The following ALCAM variants were observed in gnomAD, a reference collection of about 807,000 sequenced individuals.
The protein encoded by ALCAM is CD166 antigen.
In ALCAM, 30 loss-of-function variants were observed where a neutral mutation model predicts 70.9. That is an observed-to-expected ratio of 0.42 (90% CI 0.32 to 0.57). The LOEUF (loss-of-function observed/expected upper bound fraction) is 0.57, where lower values mean the gene tolerates loss of function less well. Among genes scored for constraint, ALCAM ranks in the 20% least tolerant of loss-of-function variants. The pLI, the probability that ALCAM is intolerant of heterozygous loss-of-function variation, is 0.11. For missense variants in ALCAM, 591 were observed against 695.1 expected, an observed-to-expected ratio of 0.85 and a Z score of 1.68; for synonymous variants, 249 against 242.5, an observed-to-expected ratio of 1.03 and a Z score of -0.25.
At chr3:105,375,855 A>G (rs1935362292) in intron 1 of ALCAM, among the ~76,000 whole-genome samples, 1 of 152,212 alleles carries the variant, frequency 6.6e-6, no homozygotes, top group Non-Finnish European at 1.5e-5. Context: ...GTGGCCACCA[A>G]CAGTATGGCT....
At chr3:105,408,944 A>G (rs1576143331) in intron 1 of ALCAM, among the ~76,000 whole-genome samples, 1 of 152,184 alleles carries the variant, frequency 6.6e-6, no homozygotes, top group South Asian at 2.1e-4. Context: ...AGCATAAGGA[A>G]AAAAGCTCAA....
At chr3:105,536,107 T>C (rs1457906475) in intron 6 of ALCAM, among the ~76,000 whole-genome samples, 1 of 150,924 alleles carries the variant, frequency 6.6e-6, no homozygotes, top group Non-Finnish European at 1.5e-5. Flanking sequence ...TTTTTTTTTT[T>C]GTGTGAGACA....
intron 14 of ALCAM, among the ~76,000 whole-genome samples, chr3:105,556,631 T>A (rs1940523671): frequency 6.6e-6 from 1 of 151,964 alleles, no homozygotes; most frequent in Non-Finnish European, 1.5e-5. Context: ...ATAAACAATG[T>A]TATGTTAACA....
chr3:105,564,861 C>T (rs948780874), intron 14 of ALCAM, among the ~76,000 whole-genome samples: 7 of 152,246 alleles, frequency 4.6e-5, no homozygotes, highest in African/African-American at 1.2e-4. Context: ...GCCTGGCCAA[C>T]GTGGCAAAAC....
intron 1 of ALCAM, among the ~76,000 whole-genome samples, chr3:105,421,702 G>C (rs1247555427): frequency 2.0e-5 from 3 of 151,422 alleles, no homozygotes; most frequent in Non-Finnish European, 4.4e-5. Context: ...CTGTAGTTAA[G>C]AAAATTTCTA....
chr3:105,445,504 A>G (rs188175184), intron 1 of ALCAM, among the ~76,000 whole-genome samples: 1 of 152,288 alleles, frequency 6.6e-6, no homozygotes, highest in East Asian at 1.9e-4. Flanking sequence ...TGGAACCACA[A>G]AACACCCCAA....
At position 105,574,711 on chromosome 3, in the gene ALCAM, T is replaced by C. The variant is rs1940924496; in HGVS notation, c.*260T>C. ...ATGTTGTGTTTGGTTCAATTTTTTT[T>C]CCGTAAATGTCTGCACTGAGGATTT... is the stretch of plus-strand genomic sequence containing the variant. On this transcript the variant is annotated 3_prime_UTR_variant, in exon 16 of 16. Coordinates refer to ENST00000306107, the MANE Select transcript of ALCAM (RefSeq NM_001627.4). 6.6e-6 allele frequency: 1 copy of C among 152,648 alleles called. No homozygotes were observed. Among genetic ancestry groups the C allele is most frequent in the Admixed American group, 6.5e-5 (1 of 15,272 alleles). 9.5% of individuals were successfully genotyped at this position (152,648 alleles called of 1,614,324 possible).
At chr3:105,511,206 T>G (rs540391464) in intron 1 of ALCAM, among the ~76,000 whole-genome samples, 1 of 152,060 alleles carries the variant, frequency 6.6e-6, no homozygotes, top group South Asian at 2.1e-4. Context: ...GTTACCCCAC[T>G]GGGCTACCAT....
At chr3:105,546,713 A>G (rs952262833) in intron 9 of ALCAM, among the ~76,000 whole-genome samples, 1 of 151,498 alleles carries the variant, frequency 6.6e-6, no homozygotes, top group Admixed American at 6.6e-5. Flanking sequence ...GATGATCAGT[A>G]TTCCCTGATT....
At chr3:105,496,562 T>G (rs1374081642) in intron 1 of ALCAM, among the ~76,000 whole-genome samples, 2 of 152,146 alleles carry the variant, frequency 1.3e-5, no homozygotes, top group Non-Finnish European at 2.9e-5. Context: ...TCTCCCTCAT[T>G]GTCTTCGCTT....
chr3:105,436,816 A>T (rs1053134758), intron 1 of ALCAM, among the ~76,000 whole-genome samples: 1 of 152,192 alleles, frequency 6.6e-6, no homozygotes, highest in Non-Finnish European at 1.5e-5. Flanking sequence ...CCTGAACTGC[A>T]TAAACTGAGT....
chr3:105,435,195 T>G (rs1407730505), intron 1 of ALCAM, among the ~76,000 whole-genome samples: 1 of 152,242 alleles, frequency 6.6e-6, no homozygotes, highest in African/African-American at 2.4e-5. Flanking sequence ...ACCATGCTTA[T>G]GGTTGTTTAC....
At chr3:105,564,237 CA>C (rs896318978) in intron 14 of ALCAM, among the ~76,000 whole-genome samples, 8 of 152,238 alleles carry the variant, frequency 5.3e-5, no homozygotes, top group African/African-American at 1.7e-4. Context: ...TTAAATTATA[CA>C]AAATCACTTC....
In ALCAM at chr3:105,414,186, C is replaced by T. The variant is rs549541695; in HGVS notation, c.73+46705C>T. The stretch of plus-strand genomic sequence containing the variant: ...GGCTGAGGCTGGCGGATATCCTGAG[C>T]CCAGGAGTTTGCCACCAGTCTGGGC... On this transcript the variant is annotated intron_variant, in intron 1 of 15. Coordinates refer to ENST00000306107, the MANE Select transcript of ALCAM (RefSeq NM_001627.4). 7.9e-5 allele frequency among the ~76,000 whole-genome samples: 12 copies of T among 151,700 alleles called. No homozygotes were observed. In the East Asian group the frequency reaches 2.3e-3, roughly 30 times the overall value.
rs1940964121 is a variant in ALCAM at position 105,576,433 on chromosome 3, G to A, written c.*1982G>A. On this transcript the variant is annotated 3_prime_UTR_variant, in exon 16 of 16. Coordinates refer to ENST00000306107, the MANE Select transcript of ALCAM (RefSeq NM_001627.4). ...TCTCTTTTGGTGTGGGAGATCAAAGGTTTAAAGTCTAACTTCTAAGATATA... is the reference window on the plus strand; with the variant it reads ...TCTCTTTTGGTGTGGGAGATCAAAGATTTAAAGTCTAACTTCTAAGATATA... 1.3e-5 allele frequency: 2 copies of A among 152,468 alleles called. No individual in the cohort carries two copies. The allele number at this position is 152,468 out of a possible 1,614,324, so 9.4% of individuals were successfully genotyped here.
At chr3:105,515,251 T>C (rs1166559475) in intron 1 of ALCAM, among the ~76,000 whole-genome samples, 1 of 152,042 alleles carries the variant, frequency 6.6e-6, no homozygotes, top group African/African-American at 2.4e-5. Flanking sequence ...ACTATGATAT[T>C]TTATCAGTCT....
At chr3:105,452,895 C>A (rs1013077708) in intron 1 of ALCAM, among the ~76,000 whole-genome samples, 2 of 151,664 alleles carry the variant, frequency 1.3e-5, no homozygotes, top group Non-Finnish European at 2.9e-5. Context: ...CTGTTCATAC[C>A]CTTTGCCCGC....
At chr3:105,559,309 T>C (rs1354527800) in intron 14 of ALCAM, among the ~76,000 whole-genome samples, 1 of 147,936 alleles carries the variant, frequency 6.8e-6, no homozygotes, top group Non-Finnish European at 1.5e-5. Context: ...ATTATATATA[T>C]ACACATATAT....
At chr3:105,509,567 G>GGTTTT (rs1194152329) in intron 1 of ALCAM, among the ~76,000 whole-genome samples, 3 of 151,000 alleles carry the variant, frequency 2.0e-5, no homozygotes, top group South Asian at 2.1e-4. Flanking sequence ...CTTCTCTGTG[G>GGTTTT]GTTTTGTTTT....
Sources: allele counts gnomAD v4.1 joint callset (sites outside exome capture counted in the v4.1 genomes callset), GRCh38; gene constraint gnomAD v4.1.1; transcripts MANE v1.5; gene names NCBI Gene and HGNC (gene_info 2026-07-23, HGNC 2026-07-21).